CSNK2A2IP: variants seen among roughly 807,000 people sequenced by gnomAD.
CSNK2A2IP encodes casein kinase 2 subunit alpha' interacting protein.
the CSNK2A2IP span, among the ~76,000 whole-genome samples, chr3:88,451,144 T>A: frequency 2.6e-5 from 4 of 152,120 alleles, no homozygotes; most frequent in Non-Finnish European, 4.4e-5. Context: ...ATATTTATAG[T>A]GTGCAGTGTG....
the CSNK2A2IP span, among the ~76,000 whole-genome samples, chr3:88,372,393 C>T: frequency 6.6e-6 from 1 of 151,232 alleles, no homozygotes; most frequent in Admixed American, 6.6e-5. Flanking sequence ...TACAAGCTTC[C>T]TATATATCAC....
the CSNK2A2IP span, among the ~76,000 whole-genome samples, chr3:88,434,825 C>A: frequency 4.6e-5 from 7 of 152,116 alleles, no homozygotes. Context: ...TCCATACTAG[C>A]TCTTGGAATT....
At chr3:88,363,763 T>G in the CSNK2A2IP span, among the ~76,000 whole-genome samples, 2 of 152,192 alleles carry the variant, frequency 1.3e-5, no homozygotes, top group Non-Finnish European at 2.9e-5. Flanking sequence ...TTCAGTTTAG[T>G]GCTATAAGTT....
At chr3:88,384,555 C>T in the CSNK2A2IP span, among the ~76,000 whole-genome samples, 853 of 152,036 alleles carry the variant, frequency 5.6e-3, 3 homozygotes, top group African/African-American at 0.02. Context: ...TGGTGCATTA[C>T]GGTATGAAAA....
chr3:88,353,388 T>C, the CSNK2A2IP span, among the ~76,000 whole-genome samples: 1 of 152,222 alleles, frequency 6.6e-6, no homozygotes, highest in Non-Finnish European at 1.5e-5. Context: ...ATAAATTGGA[T>C]TTGTCCACCT....
the CSNK2A2IP span, among the ~76,000 whole-genome samples, chr3:88,355,026 A>G: frequency 6.6e-6 from 1 of 152,138 alleles, no homozygotes; most frequent in Non-Finnish European, 1.5e-5. Flanking sequence ...ATGCCAAGGT[A>G]GGGGAGAATG....
the CSNK2A2IP span, among the ~76,000 whole-genome samples, chr3:88,375,160 C>G: frequency 6.6e-6 from 1 of 151,738 alleles, no homozygotes; most frequent in Non-Finnish European, 1.5e-5. Flanking sequence ...ACTTATTGCT[C>G]TATTCTGAAT....
the CSNK2A2IP span, among the ~76,000 whole-genome samples, chr3:88,339,370 G>T: frequency 6.6e-6 from 1 of 151,888 alleles, no homozygotes; most frequent in Non-Finnish European, 1.5e-5. Context: ...CAAATGACAT[G>T]ACTTCATTCC....
the CSNK2A2IP span, among the ~76,000 whole-genome samples, chr3:88,360,817 TG>T: frequency 0.44 from 66,248 of 151,570 alleles, 15,678 homozygotes; most frequent in South Asian, 0.62. Context: ...TTTAATTTTT[TG>T]GTTTTTTTTA....
At chr3:88,449,866 T>TAGAGAGAG in the CSNK2A2IP span, among the ~76,000 whole-genome samples, 2 of 69,610 alleles carry the variant, frequency 2.9e-5, no homozygotes, top group Non-Finnish European at 7.2e-5. Context: ...TATATATATA[T>TAGAGAGAG]ATATATATAG....
the CSNK2A2IP span, among the ~76,000 whole-genome samples, chr3:88,456,830 C>T: frequency 7.2e-5 from 11 of 151,990 alleles, no homozygotes; most frequent in Non-Finnish European, 1.3e-4. Flanking sequence ...TACCTTTATG[C>T]TAATACTAGA....
At chr3:88,453,344 AAAAC>A in the CSNK2A2IP span, among the ~76,000 whole-genome samples, 1 of 152,152 alleles carries the variant, frequency 6.6e-6, no homozygotes, top group Non-Finnish European at 1.5e-5. Context: ...GTCACAGTTT[AAAAC>A]AAACAATGCT....
At chr3:88,392,453 T>C in the CSNK2A2IP span, among the ~76,000 whole-genome samples, 6 of 151,844 alleles carry the variant, frequency 4.0e-5, no homozygotes, top group Non-Finnish European at 8.8e-5. Context: ...AATTCATTGA[T>C]GGAAAAGAAA....
At chr3:88,429,200 T>C in the CSNK2A2IP span, among the ~76,000 whole-genome samples, 1 of 151,906 alleles carries the variant, frequency 6.6e-6, no homozygotes, top group African/African-American at 2.4e-5. Flanking sequence ...CCAGCATGAG[T>C]CTTGGCACTT....
the CSNK2A2IP span, among the ~76,000 whole-genome samples, chr3:88,420,782 G>A: frequency 2.6e-5 from 4 of 152,048 alleles, no homozygotes; most frequent in Non-Finnish European, 5.9e-5. Context: ...TAGGAAAAAA[G>A]GATTAAGAAG....
At chr3:88,365,013 TC>T in the CSNK2A2IP span, among the ~76,000 whole-genome samples, 1 of 152,176 alleles carries the variant, frequency 6.6e-6, no homozygotes, top group Admixed American at 6.5e-5. Context: ...AATTCCAATT[TC>T]TTTAGATAAG....
the CSNK2A2IP span, among the ~76,000 whole-genome samples, chr3:88,388,342 A>C: frequency 6.6e-6 from 1 of 152,208 alleles, no homozygotes; most frequent in Admixed American, 6.5e-5. Context: ...TAATTAGACT[A>C]TATTGAGCAA....
the CSNK2A2IP span, among the ~76,000 whole-genome samples, chr3:88,426,263 C>A: frequency 6.6e-6 from 1 of 151,976 alleles, no homozygotes; most frequent in Non-Finnish European, 1.5e-5. Context: ...TGCCTTAATG[C>A]CAAGAGTTAG....
chr3:88,398,897 T>A, the CSNK2A2IP span, among the ~76,000 whole-genome samples: 2 of 152,168 alleles, frequency 1.3e-5, no homozygotes, highest in African/African-American at 4.8e-5. Context: ...CACATATTAA[T>A]GCTCAATAGA....
Sources: gnomAD v4.1 joint callset for allele counts (sites outside exome capture counted in the v4.1 genomes callset) on GRCh38, gnomAD v4.1.1 for gene constraint, MANE v1.5 for transcripts, NCBI Gene and HGNC (gene_info 2026-07-23, HGNC 2026-07-21) for gene names.